FBXL2: variants seen among roughly 807,000 people sequenced by gnomAD.
FBXL2 encodes F-box and leucine rich repeat protein 2, also known as F-box/LRR-repeat protein 2.
In FBXL2, 38 loss-of-function variants were observed where a neutral mutation model predicts 69.2. The ratio of observed to expected loss-of-function variants is 0.55; its 90% CI spans 0.42 to 0.72. The LOEUF is 0.72. FBXL2 is among the 30% of genes least tolerant of loss of function. FBXL2 has a pLI of 0.00. For missense variants in FBXL2, 354 were observed against 520.3 expected (o/e 0.68, Z 3.11); for synonymous variants, 192 against 201.3 (o/e 0.95, Z 0.39).
chr3:33,306,160 T>C (rs1455562970), intron 2 of FBXL2, among the ~76,000 whole-genome samples: 1 of 152,150 alleles, frequency 6.6e-6, no homozygotes, highest in Non-Finnish European at 1.5e-5. Context: ...CTTCTTTTGT[T>C]GCATTCTACA....
downstream of FBXL2, chr3:33,390,041 A>G (rs2043695608): frequency 2.6e-6 from 1 of 382,744 alleles, no homozygotes; most frequent in South Asian, 8.5e-5. Flanking sequence ...GCTTCTAGGA[A>G]CTGTATTTAC....
intron 2 of FBXL2, among the ~76,000 whole-genome samples, chr3:33,311,084 A>G (rs762031297): frequency 6.6e-6 from 1 of 152,130 alleles, no homozygotes; most frequent in Non-Finnish European, 1.5e-5. Flanking sequence ...GCCAAATTCT[A>G]TATTTTGACT....
At chr3:33,283,019 C>T (rs980282164) in intron 1 of FBXL2, among the ~76,000 whole-genome samples, 1 of 152,134 alleles carries the variant, frequency 6.6e-6, no homozygotes, top group Non-Finnish European at 1.5e-5. Flanking sequence ...TTCCTCTTTT[C>T]CTAATTGAAT....
At chr3:33,330,930 C>CAA (rs1026182603) in intron 2 of FBXL2, among the ~76,000 whole-genome samples, 5 of 148,740 alleles carry the variant, frequency 3.4e-5, no homozygotes, top group African/African-American at 1.2e-4. Context: ...CACACACACA[C>CAA]AAATATATCT....
chr3:33,323,388 G>A (rs868711515), intron 2 of FBXL2, among the ~76,000 whole-genome samples: 2 of 152,072 alleles, frequency 1.3e-5, no homozygotes, highest in South Asian at 4.1e-4. Flanking sequence ...GTATACACAT[G>A]CCATGGTGGT....
chr3:33,344,972 C>G (rs765064632), intron 2 of FBXL2, among the ~76,000 whole-genome samples: 2 of 152,202 alleles, frequency 1.3e-5, no homozygotes, highest in Non-Finnish European at 2.9e-5. Context: ...AAAGCAACCT[C>G]CATGCCCAGA....
intron 1 of FBXL2, chr3:33,289,751 G>C (rs899745014): frequency 1.0e-6 from 1 of 984,572 alleles, no homozygotes; most frequent in South Asian, 4.7e-5. Context: ...ATAGGAGTTC[G>C]GATGCTGGGG....
intron 2 of FBXL2, among the ~76,000 whole-genome samples, chr3:33,340,062 TATCAGTTGA>T (rs2039899545): frequency 6.6e-6 from 1 of 152,192 alleles, no homozygotes; most frequent in Non-Finnish European, 1.5e-5. Flanking sequence ...TGAAGTGCAA[TATCAGTTGA>T]AATTAATCTA....
chr3:33,350,582 G>A (rs1486832591), intron 2 of FBXL2, among the ~76,000 whole-genome samples: 5 of 151,934 alleles, frequency 3.3e-5, no homozygotes, highest in African/African-American at 7.3e-5. Context: ...ACAGGCCTGC[G>A]CCACCATGCC....
intron 10 of FBXL2, among the ~76,000 whole-genome samples, chr3:33,376,161 A>G (rs1273688276): frequency 6.6e-6 from 1 of 151,988 alleles, no homozygotes; most frequent in African/African-American, 2.4e-5. Context: ...CATCTCAAAA[A>G]AAAAAACAAA....
chr3:33,302,096 A>G (rs981347456), intron 2 of FBXL2, among the ~76,000 whole-genome samples: 9 of 152,164 alleles, frequency 5.9e-5, no homozygotes, highest in Non-Finnish European at 1.0e-4. Flanking sequence ...AATAAATGCT[A>G]TTTGACAATG....
intron 5 of FBXL2, among the ~76,000 whole-genome samples, chr3:33,367,448 G>C (rs1278875041): frequency 6.6e-6 from 1 of 152,118 alleles, no homozygotes; most frequent in Non-Finnish European, 1.5e-5. Flanking sequence ...GGTAGTCTGC[G>C]TCTTTCAAGG....
At chr3:33,315,736 A>G (rs1190105945) in intron 2 of FBXL2, among the ~76,000 whole-genome samples, 2 of 152,026 alleles carry the variant, frequency 1.3e-5, no homozygotes, top group Non-Finnish European at 2.9e-5. Flanking sequence ...ATTTTCTTAA[A>G]TTTAACTTAT....
At chr3:33,277,944 T>C (rs1003301212) in intron 1 of FBXL2, among the ~76,000 whole-genome samples, 2 of 152,242 alleles carry the variant, frequency 1.3e-5, no homozygotes, top group African/African-American at 2.4e-5. Context: ...TATGCAGTTA[T>C]GTGTAACTAA....
intron 2 of FBXL2, among the ~76,000 whole-genome samples, chr3:33,332,050 AAG>A (rs1202522712): frequency 6.6e-6 from 1 of 152,166 alleles, no homozygotes; most frequent in Non-Finnish European, 1.5e-5. Flanking sequence ...CAAATTGAAA[AAG>A]CATATCAGGT....
intron 14 of FBXL2, among the ~76,000 whole-genome samples, chr3:33,384,480 G>A (rs1029925246): frequency 1.3e-5 from 2 of 152,118 alleles, no homozygotes; most frequent in Non-Finnish European, 1.5e-5. Context: ...AGAATCACCC[G>A]AACCTGGGAA....
intron 2 of FBXL2, among the ~76,000 whole-genome samples, chr3:33,339,093 A>C (rs1304237916): frequency 1.3e-5 from 2 of 152,288 alleles, no homozygotes; most frequent in South Asian, 2.1e-4. Flanking sequence ...AACAAACAAA[A>C]AAACCCTTTT....
At chr3:33,362,231 A>C (rs2041675565) in intron 4 of FBXL2, among the ~76,000 whole-genome samples, 2 of 152,162 alleles carry the variant, frequency 1.3e-5, no homozygotes, top group African/African-American at 2.4e-5. Context: ...TTGGGTTGGC[A>C]TTTTCTGTGC....
chr3:33,312,205 T>C (rs1183067043), intron 2 of FBXL2, among the ~76,000 whole-genome samples: 1 of 151,952 alleles, frequency 6.6e-6, no homozygotes, highest in Non-Finnish European at 1.5e-5. Flanking sequence ...CACAGGAGCG[T>C]GCCACCACAC....
Sources: gnomAD v4.1 joint callset for allele counts (sites outside exome capture counted in the v4.1 genomes callset) on GRCh38, gnomAD v4.1.1 for gene constraint, MANE v1.5 for transcripts, NCBI Gene and HGNC (gene_info 2026-07-23, HGNC 2026-07-21) for gene names.